The following PCDH11X variants were observed in gnomAD, a reference collection of about 807,000 sequenced individuals.
The protein encoded by PCDH11X is protocadherin 11 X-linked.
In PCDH11X, 18 loss-of-function variants were observed where a neutral mutation model predicts 53.3. That is an observed-to-expected ratio of 0.34 (90% CI 0.23 to 0.50). The LOEUF is 0.50. PCDH11X is among the 20% of genes least tolerant of loss of function. PCDH11X has a pLI of 0.98. For missense variants in PCDH11X, 570 were observed against 1,032.4 expected (o/e 0.55, Z 6.14); for synonymous variants, 279 against 393.3 (o/e 0.71, Z 3.44).
chrX:91,803,886 G>A (rs1936015319), intron 1 of PCDH11X, among the ~76,000 whole-genome samples: 1 of 111,106 alleles, frequency 9.0e-6, no homozygotes, highest in South Asian at 3.7e-4. Flanking sequence ...TTTTTAATAG[G>A]ATTAGGACTT....
chrX:92,515,828 A>G (rs1313796075), intron 10 of PCDH11X, among the ~76,000 whole-genome samples: 1 of 110,742 alleles, frequency 9.0e-6, no homozygotes, highest in Non-Finnish European at 1.9e-5. Context: ...TAATATTACA[A>G]ATTTAGTGTT....
chrX:92,239,327 G>A (rs12116126), intron 7 of PCDH11X, among the ~76,000 whole-genome samples: 5,910 of 110,879 alleles, frequency 0.053, 206 homozygotes, highest in East Asian at 0.22. Context: ...TCCACCAGGC[G>A]TAGACTTAAA....
chrX:91,871,729 C>A (rs1939323294), intron 5 of PCDH11X, among the ~76,000 whole-genome samples: 1 of 111,229 alleles, frequency 9.0e-6, no homozygotes, highest in Non-Finnish European at 1.9e-5. Context: ...ACTTCTCTTG[C>A]AAATTTCACA....
intron 1 of PCDH11X, among the ~76,000 whole-genome samples, chrX:91,781,768 T>C (rs944819232): frequency 1.8e-5 from 2 of 112,168 alleles, no homozygotes; most frequent in Non-Finnish European, 3.8e-5. Flanking sequence ...TTCTTGCCTT[T>C]GTCTGGTTCA....
chrX:92,348,428 A>C, intron 8 of PCDH11X, among the ~76,000 whole-genome samples: 1 of 110,438 alleles, frequency 9.1e-6, no homozygotes, highest in African/African-American at 3.3e-5. Context: ...TCTCTTTTGT[A>C]ACCATCCAAA....
At chrX:91,974,484 G>A (rs1298299017) in intron 6 of PCDH11X, among the ~76,000 whole-genome samples, 9 of 111,628 alleles carry the variant, frequency 8.1e-5, no homozygotes, top group Admixed American at 7.6e-4. Context: ...AAATATCCAG[G>A]GGAATAATCT....
At chrX:92,302,445 G>T (rs2068743799) in intron 8 of PCDH11X, among the ~76,000 whole-genome samples, 1 of 110,450 alleles carries the variant, frequency 9.1e-6, no homozygotes, top group Admixed American at 9.7e-5. Context: ...CGCTTTAAAT[G>T]GCTGTTTTTA....
intron 10 of PCDH11X, among the ~76,000 whole-genome samples, chrX:92,527,354 G>T (rs2074473387): frequency 9.0e-6 from 1 of 110,756 alleles, no homozygotes; most frequent in African/African-American, 3.3e-5. Context: ...CACTTTGCAT[G>T]CCTGTATCAA....
At chrX:92,010,257 G>A (rs1390716492) in intron 6 of PCDH11X, among the ~76,000 whole-genome samples, 1 of 109,051 alleles carries the variant, frequency 9.2e-6, no homozygotes, top group Non-Finnish European at 1.9e-5. Flanking sequence ...AAATATTTTT[G>A]CAAATGATCA....
chrX:92,537,661 A>C (rs1419537855), intron 10 of PCDH11X, among the ~76,000 whole-genome samples: 1 of 108,599 alleles, frequency 9.2e-6, no homozygotes, highest in African/African-American at 3.3e-5. Context: ...AAAAAAAAAA[A>C]AAAAACCAGA....
intron 6 of PCDH11X, among the ~76,000 whole-genome samples, chrX:92,138,496 T>C (rs1411991330): frequency 1.8e-5 from 2 of 110,077 alleles, no homozygotes; most frequent in Non-Finnish European, 3.8e-5. Context: ...AAATTAAATA[T>C]AAACATAAAA....
intron 10 of PCDH11X, among the ~76,000 whole-genome samples, chrX:92,533,814 C>T (rs1447430143): frequency 9.6e-6 from 1 of 104,675 alleles, no homozygotes; most frequent in African/African-American, 3.6e-5. Flanking sequence ...AGGGTCCTGA[C>T]TGTTAGAAGG....
At chrX:92,382,515 T>G (rs2070900218) in intron 8 of PCDH11X, among the ~76,000 whole-genome samples, 1 of 111,404 alleles carries the variant, frequency 9.0e-6, no homozygotes, top group Non-Finnish European at 1.9e-5. Context: ...ATTTACCTGA[T>G]AATTACTATG....
chrX:91,958,708 G>A (rs1056108503), intron 6 of PCDH11X, among the ~76,000 whole-genome samples: 10 of 110,596 alleles, frequency 9.0e-5, no homozygotes, highest in Non-Finnish European at 1.7e-4. Flanking sequence ...TTCAATTGAA[G>A]ATGCTGAATT....
At chrX:92,532,473 A>C (rs1346838521) in intron 10 of PCDH11X, among the ~76,000 whole-genome samples, 2 of 109,056 alleles carry the variant, frequency 1.8e-5, no homozygotes, top group Admixed American at 2.0e-4. Context: ...TGTTCTGAGA[A>C]GAATAAATTA....
chrX:92,246,444 C>T (rs769745795), intron 7 of PCDH11X, among the ~76,000 whole-genome samples: 9 of 111,322 alleles, frequency 8.1e-5, no homozygotes, highest in African/African-American at 2.6e-4. Flanking sequence ...CCTCCACCTC[C>T]CGGGTTCAAA....
intron 5 of PCDH11X, among the ~76,000 whole-genome samples, chrX:91,845,118 AAGC>A (rs1274314906): frequency 4.5e-5 from 5 of 111,947 alleles, no homozygotes; most frequent in African/African-American, 1.6e-4. Flanking sequence ...AGATATCAAA[AAGC>A]CAAAGAATAT....
intron 5 of PCDH11X, among the ~76,000 whole-genome samples, chrX:91,857,424 C>G (rs1019450041): frequency 9.0e-6 from 1 of 111,511 alleles, no homozygotes; most frequent in African/African-American, 3.3e-5. Context: ...TAAAGCCAAT[C>G]ATAGCTTCCC....
chrX:92,151,108 A>T (rs1423837652), intron 6 of PCDH11X, among the ~76,000 whole-genome samples: 3 of 109,306 alleles, frequency 2.7e-5, no homozygotes, highest in African/African-American at 1.0e-4. Flanking sequence ...TTAGCTCTAA[A>T]TTTTTTTTAT....
Sources: allele counts gnomAD v4.1 joint callset (sites outside exome capture counted in the v4.1 genomes callset), GRCh38; gene constraint gnomAD v4.1.1; transcripts MANE v1.5; gene names NCBI Gene and HGNC (gene_info 2026-07-23, HGNC 2026-07-21).